KRABD5: variants seen among roughly 807,000 people sequenced by gnomAD.
The protein encoded by KRABD5 is KRAB domain-containing protein 5.
At chr16:31,745,213 G>A in the KRABD5 span, among the ~76,000 whole-genome samples, 1 of 152,016 alleles carries the variant, frequency 6.6e-6, no homozygotes, top group Middle Eastern at 3.2e-3. Context: ...TGTAATGTTA[G>A]GGTGTTGATT....
the KRABD5 span, among the ~76,000 whole-genome samples, chr16:31,744,238 C>T: frequency 8.9e-4 from 136 of 152,284 alleles, no homozygotes; most frequent in African/African-American, 3.2e-3. Context: ...TTTGCTCATT[C>T]AATATGATAT....
At chr16:31,736,767 G>A in the KRABD5 span, among the ~76,000 whole-genome samples, 2 of 152,018 alleles carry the variant, frequency 1.3e-5, no homozygotes, top group Non-Finnish European at 2.9e-5. Context: ...TGATCCACCC[G>A]TCTCAGCTTC....
At chr16:31,731,522 A>G in the KRABD5 span, among the ~76,000 whole-genome samples, 7 of 152,188 alleles carry the variant, frequency 4.6e-5, no homozygotes, top group Non-Finnish European at 1.0e-4. Flanking sequence ...TCACTGATGG[A>G]CATGACTGAC....
chr16:31,722,700 G>A, the KRABD5 span: 2 of 1,613,088 alleles, frequency 1.2e-6, no homozygotes, highest in South Asian at 1.1e-5. Flanking sequence ...CAGATCAGAA[G>A]CTTTTATATG....
chr16:31,750,957 G>T, the KRABD5 span, among the ~76,000 whole-genome samples: 2 of 151,988 alleles, frequency 1.3e-5, no homozygotes, highest in African/African-American at 4.8e-5. Context: ...ACAGGGTTTC[G>T]CCATGTTGGC....
the KRABD5 span, chr16:31,761,370 A>G: frequency 6.6e-6 from 1 of 152,084 alleles, no homozygotes; most frequent in South Asian, 2.1e-4. Context: ...TTTTATTTCT[A>G]CTGTATTTTG....
chr16:31,744,649 T>A, the KRABD5 span, among the ~76,000 whole-genome samples: 1 of 152,214 alleles, frequency 6.6e-6, no homozygotes, highest in African/African-American at 2.4e-5. Context: ...AACTGAGTTA[T>A]TGAGGAGTCC....
the KRABD5 span, among the ~76,000 whole-genome samples, chr16:31,743,045 A>G: frequency 6.6e-6 from 1 of 152,142 alleles, no homozygotes; most frequent in Admixed American, 6.5e-5. Context: ...TTTCTTATAA[A>G]TTCTGGATAT....
the KRABD5 span, among the ~76,000 whole-genome samples, chr16:31,735,318 G>A: frequency 4.6e-5 from 7 of 151,998 alleles, no homozygotes; most frequent in Non-Finnish European, 8.8e-5. Flanking sequence ...ATCTCTTGGT[G>A]TACATTTGGA....
chr16:31,752,315 G>C, the KRABD5 span, among the ~76,000 whole-genome samples: 1 of 152,108 alleles, frequency 6.6e-6, no homozygotes, highest in Non-Finnish European at 1.5e-5. Context: ...ATGTGGAATT[G>C]ATGTCTAAAA....
chr16:31,756,347 AATTT>A, the KRABD5 span: 1 of 152,152 alleles, frequency 6.6e-6, no homozygotes, highest in Non-Finnish European at 1.5e-5. Flanking sequence ...GAATATTCTG[AATTT>A]ATTTATTACA....
At chr16:31,727,048 A>C in the KRABD5 span, among the ~76,000 whole-genome samples, 1 of 152,176 alleles carries the variant, frequency 6.6e-6, no homozygotes. Flanking sequence ...TGCTATTATA[A>C]ATTGGATTGT....
chr16:31,738,435 G>A, the KRABD5 span, among the ~76,000 whole-genome samples: 2 of 152,230 alleles, frequency 1.3e-5, no homozygotes, highest in African/African-American at 2.4e-5. Flanking sequence ...CAGTGAACCC[G>A]TTTATAATTA....
the KRABD5 span, among the ~76,000 whole-genome samples, chr16:31,729,962 T>C: frequency 6.6e-6 from 1 of 152,168 alleles, no homozygotes; most frequent in Non-Finnish European, 1.5e-5. Flanking sequence ...TTTAAAACTT[T>C]TTATATTTTG....
the KRABD5 span, among the ~76,000 whole-genome samples, chr16:31,748,823 T>C: frequency 6.6e-6 from 1 of 152,144 alleles, no homozygotes; most frequent in Admixed American, 6.6e-5. Context: ...TTTCTGTTTG[T>C]TTTTCTTGCA....
At chr16:31,754,278 A>G in the KRABD5 span, 1 of 628,172 alleles carries the variant, frequency 1.6e-6, no homozygotes, top group East Asian at 2.7e-5. Flanking sequence ...TTGTTTCACC[A>G]ACAAATAACA....
the KRABD5 span, among the ~76,000 whole-genome samples, chr16:31,741,520 T>C: frequency 1.3e-5 from 2 of 152,188 alleles, no homozygotes; most frequent in African/African-American, 4.8e-5. Context: ...GTAAATAGTA[T>C]CTCAGTGTGG....
the KRABD5 span, chr16:31,759,373 G>A: frequency 2.0e-5 from 30 of 1,468,594 alleles, 1 homozygote; most frequent in South Asian, 3.3e-4. Context: ...TAATCCTATG[G>A]TGAAAAAAAT....
At chr16:31,735,435 G>A in the KRABD5 span, among the ~76,000 whole-genome samples, 1 of 152,094 alleles carries the variant, frequency 6.6e-6, no homozygotes, top group Non-Finnish European at 1.5e-5. Flanking sequence ...ACCCAATAGT[G>A]GAATTGCTGA....
Sources: allele counts gnomAD v4.1 joint callset (sites outside exome capture counted in the v4.1 genomes callset), GRCh38; gene constraint gnomAD v4.1.1; transcripts MANE v1.5; gene names NCBI Gene and HGNC (gene_info 2026-07-23, HGNC 2026-07-21).